The following HSD17B12 variants were observed in gnomAD, a reference collection of about 807,000 sequenced individuals.
HSD17B12 encodes very-long-chain 3-oxoacyl-CoA reductase.
A neutral mutation model predicts 39.3 loss-of-function variants in HSD17B12; 32 were observed. That is an observed-to-expected ratio of 0.81 (90% CI 0.61 to 1.09). The LOEUF (loss-of-function observed/expected upper bound fraction) is 1.09. Among genes scored for constraint, HSD17B12 ranks in the 50% least tolerant of loss-of-function variants. HSD17B12 has a pLI of 0.00. For missense variants in HSD17B12, 342 were observed against 382.9 expected (o/e 0.89, Z 0.89); for synonymous variants, 150 against 146.7 (o/e 1.02, Z -0.16).
chr11:43,648,381 C>G, the HSD17B12 span, among the ~76,000 whole-genome samples: 2 of 151,766 alleles, frequency 1.3e-5, no homozygotes, highest in African/African-American at 2.4e-5. Context: ...AATGAGCTAG[C>G]TACTTAAACC....
At chr11:43,661,541 A>G in the HSD17B12 span, among the ~76,000 whole-genome samples, 2 of 152,124 alleles carry the variant, frequency 1.3e-5, no homozygotes, top group Admixed American at 1.3e-4. Context: ...AGCCGGGCAT[A>G]GTGGTTCACT....
upstream of HSD17B12, among the ~76,000 whole-genome samples, chr11:43,676,953 C>G (rs562538390): frequency 1.3e-5 from 2 of 152,182 alleles, no homozygotes; most frequent in South Asian, 2.1e-4. Context: ...GGGGATATAG[C>G]TATACTGTAG....
At chr11:43,620,505 G>A in the HSD17B12 span, among the ~76,000 whole-genome samples, 2 of 152,202 alleles carry the variant, frequency 1.3e-5, no homozygotes, top group African/African-American at 4.8e-5. Context: ...TCATATACAT[G>A]TATAAGGTGT....
At chr11:43,778,493 G>C (rs1247821924) in intron 3 of HSD17B12, among the ~76,000 whole-genome samples, 1 of 151,508 alleles carries the variant, frequency 6.6e-6, no homozygotes, top group South Asian at 2.1e-4. Flanking sequence ...TATGAGGCCA[G>C]CATCATCCTG....
At chr11:43,624,619 A>C in the HSD17B12 span, among the ~76,000 whole-genome samples, 1 of 151,996 alleles carries the variant, frequency 6.6e-6, no homozygotes, top group Non-Finnish European at 1.5e-5. Flanking sequence ...AAGCTATGAA[A>C]ATATAAAGGT....
the HSD17B12 span, among the ~76,000 whole-genome samples, chr11:43,575,893 G>A: frequency 1.3e-5 from 2 of 152,182 alleles, no homozygotes; most frequent in East Asian, 3.9e-4. The surrounding 1 kb of genome is among the most constrained non-coding windows in gnomAD (Gnocchi z 4.1). Flanking sequence ...CATTTCCAAA[G>A]GCGGTGTGTT....
intron 3 of HSD17B12, among the ~76,000 whole-genome samples, chr11:43,787,647 G>T (rs1345385622): frequency 6.6e-6 from 1 of 151,678 alleles, no homozygotes; most frequent in Admixed American, 6.6e-5. Context: ...TGAGGCAGGA[G>T]AATTGCTTGA....
At chr11:43,673,389 T>C in the HSD17B12 span, 5 of 152,330 alleles carry the variant, frequency 3.3e-5, no homozygotes, top group African/African-American at 1.2e-4. Flanking sequence ...AGAAATCTAA[T>C]GTGATTACAT....
chr11:43,664,605 T>C, the HSD17B12 span, among the ~76,000 whole-genome samples: 1 of 152,228 alleles, frequency 6.6e-6, no homozygotes. Context: ...TGTTCTAGGC[T>C]ACTCCTACCT....
At chr11:43,670,286 G>C in the HSD17B12 span, 2 of 152,174 alleles carry the variant, frequency 1.3e-5, no homozygotes, top group Non-Finnish European at 2.9e-5. Flanking sequence ...TCTTGGTCCT[G>C]GAGGGAAGAT....
chr11:43,676,837 A>G (rs112039016), upstream of HSD17B12, among the ~76,000 whole-genome samples: 1 of 152,178 alleles, frequency 6.6e-6, no homozygotes, highest in African/African-American at 2.4e-5. Flanking sequence ...TTGTTAGTTT[A>G]TAATAACTGT....
At chr11:43,830,794 G>A (rs777633130) in intron 6 of HSD17B12, 182 bp from the exon 7 acceptor site, 1 of 422,364 alleles carries the variant, frequency 2.4e-6, no homozygotes, top group East Asian at 3.9e-5. Flanking sequence ...ATTTCAGCTG[G>A]TTCCTTTTTA....
At chr11:43,764,076 A>T (rs1196008822) in intron 3 of HSD17B12, among the ~76,000 whole-genome samples, 1 of 152,126 alleles carries the variant, frequency 6.6e-6, no homozygotes, top group Non-Finnish European at 1.5e-5. Flanking sequence ...ATATCAGAAG[A>T]TATATAGCTA....
intron 1 of HSD17B12, among the ~76,000 whole-genome samples, chr11:43,696,751 T>C (rs956158862): frequency 1.3e-5 from 2 of 152,108 alleles, no homozygotes; most frequent in African/African-American, 4.8e-5. Flanking sequence ...AGCGAAGACA[T>C]GGAACCAACT....
At chr11:43,826,163 A>T (rs1951236663) in intron 6 of HSD17B12, among the ~76,000 whole-genome samples, 1 of 150,720 alleles carries the variant, frequency 6.6e-6, no homozygotes, top group East Asian at 1.9e-4. Flanking sequence ...GCTCACTGCA[A>T]GCTCCGCCTC....
At chr11:43,622,711 C>A in the HSD17B12 span, among the ~76,000 whole-genome samples, 95 of 152,110 alleles carry the variant, frequency 6.2e-4, no homozygotes, top group Admixed American at 2.5e-3. Flanking sequence ...ATTAGCCCAG[C>A]CTCCTGTCCC....
intron 6 of HSD17B12, among the ~76,000 whole-genome samples, chr11:43,817,253 C>G (rs1385288327): frequency 6.6e-6 from 1 of 152,012 alleles, no homozygotes; most frequent in Non-Finnish European, 1.5e-5. Flanking sequence ...AGTCCTTTGT[C>G]AGATGCATAG....
intron 1 of HSD17B12, among the ~76,000 whole-genome samples, chr11:43,706,143 G>A (rs1950012642): frequency 6.6e-6 from 1 of 152,078 alleles, no homozygotes. Context: ...AACCATGAGA[G>A]CCTGATGTGT....
At chr11:43,568,980 T>C in the HSD17B12 span, among the ~76,000 whole-genome samples, 1 of 152,238 alleles carries the variant, frequency 6.6e-6, no homozygotes, top group East Asian at 1.9e-4. Flanking sequence ...TTTAGAGATA[T>C]CTAGGTCCCT....
Sources: gnomAD v4.1 joint callset for allele counts (sites outside exome capture counted in the v4.1 genomes callset) on GRCh38, gnomAD v4.1.1 for gene constraint, Gnocchi (gnomAD v3.1) non-coding constraint, MANE v1.5 for transcripts, NCBI Gene and HGNC (gene_info 2026-07-23, HGNC 2026-07-21) for gene names.